The following TSEN15 variants were observed in gnomAD, a reference collection of about 807,000 sequenced individuals.
TSEN15 encodes tRNA-splicing endonuclease subunit Sen15.
Under a neutral mutation model 20.5 loss-of-function variants are expected in TSEN15, and 10 were observed. The observed-to-expected ratio is 0.49, with a 90% CI of 0.30 to 0.83. The LOEUF (loss-of-function observed/expected upper bound fraction) is 0.83. Among genes scored for constraint, TSEN15 ranks in the 40% least tolerant of loss-of-function variants. The pLI is 0.06. For synonymous variants in TSEN15, 72 were observed against 80.1 expected, an observed-to-expected ratio of 0.90 and a Z score of 0.54; for missense variants, 180 against 218.6, an observed-to-expected ratio of 0.82 and a Z score of 1.11.
At chr1:184,094,744 C>T in intron 3 of TSEN15, 2 of 330,476 alleles carry the variant, frequency 6.1e-6, no homozygotes, top group Non-Finnish European at 1.1e-5. Context: ...CAAATGATTC[C>T]CACCACACTG....
At chr1:184,052,376 C>T (rs1650087468) in intron 1 of TSEN15, among the ~76,000 whole-genome samples, 1 of 152,158 alleles carries the variant, frequency 6.6e-6, no homozygotes, top group South Asian at 2.1e-4. Context: ...TTTCAGATTT[C>T]TTCGAAAGTT....
intron 3 of TSEN15, among the ~76,000 whole-genome samples, chr1:184,066,534 T>C (rs1202770312): frequency 1.3e-5 from 2 of 151,998 alleles, no homozygotes; most frequent in Non-Finnish European, 2.9e-5. Flanking sequence ...GCCTCTTGAG[T>C]AGCTGGGACT....
chr1:184,054,907 A>G (rs1458024054), intron 3 of TSEN15, 44 bp downstream of exon 3: 2 of 1,583,544 alleles, frequency 1.3e-6, no homozygotes, highest in Non-Finnish European at 1.7e-6. Flanking sequence ...CGAGTAAAGC[A>G]GTAGGAAACA....
intron 3 of TSEN15, among the ~76,000 whole-genome samples, chr1:184,056,915 C>A (rs1375286184): frequency 6.6e-6 from 1 of 152,132 alleles, no homozygotes; most frequent in African/African-American, 2.4e-5. Flanking sequence ...GGTTAGCAAG[C>A]CTCCCTTATG....
chr1:184,066,281 A>G (rs992857974), intron 3 of TSEN15, among the ~76,000 whole-genome samples: 3 of 136,630 alleles, frequency 2.2e-5, no homozygotes, highest in Non-Finnish European at 5.0e-5. Flanking sequence ...TCAAAGATCA[A>G]TTGACTATTT....
At chr1:184,054,215 G>C (rs1650157581) in intron 1 of TSEN15, 139 bp from the exon 2 acceptor site, 1 of 538,022 alleles carries the variant, frequency 1.9e-6, no homozygotes, top group South Asian at 3.2e-5. Context: ...ACAGAGATAA[G>C]ATCTTATATT....
At chr1:184,066,628 ACTC>A (rs1443060829) in intron 3 of TSEN15, among the ~76,000 whole-genome samples, 1 of 151,736 alleles carries the variant, frequency 6.6e-6, no homozygotes, top group Non-Finnish European at 1.5e-5. Flanking sequence ...CTGGTCTCAA[ACTC>A]CTAACCTCAA....
intron 3 of TSEN15, chr1:184,095,631 T>TTCTCTC (rs56022269): frequency 4.5e-4 from 173 of 386,228 alleles, no homozygotes; most frequent in African/African-American, 2.1e-3. Flanking sequence ...TCTCTCCCCC[T>TTCTCTC]TCTCTCTCTC....
In TSEN15 at chr1:184,054,961, G is replaced by A; in HGVS notation, c.353+98G>A. On this transcript the variant is annotated intron_variant, in intron 3 of 4. Coordinates refer to ENST00000645668, the MANE Select transcript of TSEN15 (RefSeq NM_052965.4). ...TACTTTTAATGAAATTTGGGATACA[G>A]GGTTCATAGCTTTACTCTTGGCTAT... 2.2e-6 allele frequency: 3 copies of A among 1,382,264 alleles called. 1 individual carries two copies. Among genetic ancestry groups the A allele is most frequent in the East Asian group, 4.9e-5 (2 of 40,450 alleles). 85.6% of individuals were successfully genotyped at this position (1,382,264 alleles called of 1,614,324 possible). A position where few individuals can be genotyped will look rare whatever the true frequency, so the allele number is the denominator to read the frequency against.
chr1:184,065,038 A>C (rs928877997), intron 3 of TSEN15, among the ~76,000 whole-genome samples: 1 of 152,188 alleles, frequency 6.6e-6, no homozygotes, highest in African/African-American at 2.4e-5. Flanking sequence ...TGATCTAAAA[A>C]AGGCATCTCA....
chr1:184,055,439 C>T (rs1438891469), intron 3 of TSEN15, among the ~76,000 whole-genome samples: 2 of 152,134 alleles, frequency 1.3e-5, no homozygotes, highest in Non-Finnish European at 2.9e-5. Context: ...AAGCATTCAA[C>T]AAGTATTTAT....
chr1:184,067,973 T>TATATAC (rs1341767592), intron 3 of TSEN15, among the ~76,000 whole-genome samples: 3 of 138,104 alleles, frequency 2.2e-5, no homozygotes, highest in African/African-American at 8.0e-5. Flanking sequence ...TATATATATG[T>TATATAC]ACATATGTAT....
At chr1:184,078,733 A>G (rs969408548), downstream of TSEN15, among the ~76,000 whole-genome samples, 10 of 152,228 alleles carry the variant, frequency 6.6e-5, no homozygotes, top group African/African-American at 2.4e-4. Flanking sequence ...ATTTACAATT[A>G]GAATAGAAGA....
At position 184,083,021 on chromosome 1, in the gene TSEN15, A is replaced by C. The variant is rs114472662; in HGVS notation, c.354-12669A>C. Reference sequence around the variant, plus strand: ...CATTAAAATTCATATTGATACTCACAAGACCTATTTAATTTTCTGAGGGTA... The same window carrying C: ...CATTAAAATTCATATTGATACTCACCAGACCTATTTAATTTTCTGAGGGTA... On this transcript the variant is annotated intron_variant, in intron 3 of 3. Transcript: ENST00000643231. Among the ~76,000 whole-genome samples, 595 of 152,286 alleles carry C rather than the reference A, an allele frequency of 3.9e-3. 7 individuals are homozygous for C. Among genetic ancestry groups the C allele is most frequent in the African/African-American group, 0.014 (566 of 41,576 alleles).
chr1:184,054,701 A>G, intron 2 of TSEN15, 27 bp from the exon 3 acceptor site: 2 of 1,606,306 alleles, frequency 1.2e-6, no homozygotes, highest in Non-Finnish European at 1.7e-6. Context: ...AATAAACATT[A>G]TTGTCCATTC....
At chr1:184,053,677 G>A (rs1220120139) in intron 1 of TSEN15, among the ~76,000 whole-genome samples, 4 of 152,160 alleles carry the variant, frequency 2.6e-5, no homozygotes, top group African/African-American at 9.7e-5. Flanking sequence ...CCCCTGAAAA[G>A]TATTCCCCTT....
At chr1:184,055,227 G>T (rs1650205117) in intron 3 of TSEN15, among the ~76,000 whole-genome samples, 1 of 152,128 alleles carries the variant, frequency 6.6e-6, no homozygotes, top group Admixed American at 6.5e-5. Flanking sequence ...GCAAAAGCAG[G>T]AGTGAGAGAG....
At chr1:184,055,280 C>G (rs1472492425) in intron 3 of TSEN15, among the ~76,000 whole-genome samples, 1 of 152,094 alleles carries the variant, frequency 6.6e-6, no homozygotes, top group African/African-American at 2.4e-5. Flanking sequence ...ATGACCAGAT[C>G]TCACGAGAAC....
rs202095020 is a variant in TSEN15 at position 184,051,894 on chromosome 1, A to T, written c.135+4A>T. The T allele has an allele frequency of 3.5e-4, 536 of 1,534,856 alleles. 2 individuals are homozygous for T. Among genetic ancestry groups the T allele is most frequent in the Non-Finnish European group, 4.1e-4 (467 of 1,139,072 alleles). ...CTGGATGGGCACTCACCCTAAGGTC[A>T]GGAGGCGCGAGAGGAGCAGGGCGCC... On this transcript the variant is annotated splice_donor_region_variant and intron_variant, in intron 1 of 4. Transcript: ENST00000645668.
Sources: allele counts gnomAD v4.1 joint callset (sites outside exome capture counted in the v4.1 genomes callset), GRCh38; gene constraint gnomAD v4.1.1; transcripts MANE v1.5; gene names NCBI Gene and HGNC (gene_info 2026-07-23, HGNC 2026-07-21).